The following DOCK10 variants were observed in gnomAD, a reference collection of about 807,000 sequenced individuals.
DOCK10 encodes the protein dedicator of cytokinesis protein 10.
In DOCK10, 145 loss-of-function variants were observed where a neutral mutation model predicts 280.1. The ratio of observed to expected loss-of-function variants is 0.52; its 90% CI spans 0.45 to 0.59. The LOEUF (loss-of-function observed/expected upper bound fraction) is 0.59. DOCK10 is among the 20% of genes least tolerant of loss of function. The pLI is 0.00. For missense variants in DOCK10, 2,368 were observed against 2,651.7 expected, an observed-to-expected ratio of 0.89 and a Z score of 2.35; for synonymous variants, 915 against 942.2, an observed-to-expected ratio of 0.97 and a Z score of 0.53.
chr2:224,852,915 C>A lies in DOCK10; in HGVS notation c.2076+20G>T. ...ATACGGTGAAAAGAAAAGATGATAT[C>A]TCTGGAACTTATATCATACCTTGTT... On this transcript the variant is annotated intron_variant, in intron 17 of 55. Transcript: ENST00000258390. 1 of 1,547,878 alleles carries A rather than the reference C, an allele frequency of 6.5e-7. No homozygotes were observed. Among genetic ancestry groups the A allele is most frequent in the Non-Finnish European group, 8.8e-7 (1 of 1,139,380 alleles).
At chr2:224,948,511 T>C (rs1703553032) in intron 1 of DOCK10, among the ~76,000 whole-genome samples, 1 of 152,360 alleles carries the variant, frequency 6.6e-6, no homozygotes, top group South Asian at 2.1e-4. Context: ...AGGTATGTTA[T>C]AGTACATGCA....
At chr2:224,969,580 T>C (rs1223644906) in intron 1 of DOCK10, among the ~76,000 whole-genome samples, 2 of 152,166 alleles carry the variant, frequency 1.3e-5, no homozygotes, top group South Asian at 4.1e-4. Context: ...TGCCAGCCCC[T>C]GAAGATGTGA....
intron 42 of DOCK10, 43 bp downstream of exon 42, chr2:224,797,789 C>T: frequency 6.3e-7 from 1 of 1,596,318 alleles, no homozygotes; most frequent in South Asian, 1.1e-5. Context: ...TATGGGTTTA[C>T]TGTCATCCTA....
At chr2:224,982,157 C>T (rs1394222966) in intron 1 of DOCK10, 4 of 1,213,212 alleles carry the variant, frequency 3.3e-6, no homozygotes, top group Admixed American at 4.2e-5. Context: ...TGTAACCTCT[C>T]TATAATAACA....
At chr2:225,035,566 A>ATAT (rs1553634905) in intron 1 of DOCK10, among the ~76,000 whole-genome samples, 2 of 54,622 alleles carry the variant, frequency 3.7e-5, no homozygotes, top group African/African-American at 9.5e-5. Context: ...ATATATATAT[A>ATAT]TATATATATA....
intron 26 of DOCK10, among the ~76,000 whole-genome samples, chr2:224,832,057 A>C (rs1695275348): frequency 6.6e-6 from 1 of 152,196 alleles, no homozygotes; most frequent in Non-Finnish European, 1.5e-5. Flanking sequence ...CACTTATCTC[A>C]GCTACAAAAA....
intron 41 of DOCK10, among the ~76,000 whole-genome samples, chr2:224,799,026 T>C (rs952481596): frequency 6.6e-6 from 1 of 152,202 alleles, no homozygotes; most frequent in Admixed American, 6.5e-5. Flanking sequence ...ATAATTGACA[T>C]ACAATAAATT....
At chr2:224,843,037 C>G (rs1696074245) in intron 22 of DOCK10, among the ~76,000 whole-genome samples, 1 of 152,114 alleles carries the variant, frequency 6.6e-6, no homozygotes, top group Non-Finnish European at 1.5e-5. Flanking sequence ...GTATCCACCC[C>G]CTGCAATATG....
intron 13 of DOCK10, among the ~76,000 whole-genome samples, chr2:224,863,799 TC>T (rs1366247689): frequency 6.6e-6 from 1 of 152,174 alleles, no homozygotes; most frequent in Admixed American, 6.5e-5. Context: ...TTAAAGAAAA[TC>T]TAATAGAAAA....
At chr2:224,928,157 A>G (rs1178423165) in intron 2 of DOCK10, among the ~76,000 whole-genome samples, 1 of 152,232 alleles carries the variant, frequency 6.6e-6, no homozygotes, top group Non-Finnish European at 1.5e-5. Flanking sequence ...GAAGCAGGTA[A>G]CATCAGAGAT....
At chr2:224,997,132 TTC>T (rs1216625499) in intron 1 of DOCK10, among the ~76,000 whole-genome samples, 2 of 152,160 alleles carry the variant, frequency 1.3e-5, no homozygotes, top group Non-Finnish European at 2.9e-5. Flanking sequence ...ATTTCCATGT[TTC>T]TGTCTTCATA....
At chr2:224,819,137 G>T (rs1483635966) in intron 29 of DOCK10, among the ~76,000 whole-genome samples, 2 of 152,166 alleles carry the variant, frequency 1.3e-5, no homozygotes, top group Non-Finnish European at 2.9e-5. Context: ...AGGACTTTCA[G>T]TGCTGAAACC....
At chr2:224,976,757 T>A (rs1705465353) in intron 1 of DOCK10, among the ~76,000 whole-genome samples, 1 of 152,104 alleles carries the variant, frequency 6.6e-6, no homozygotes, top group Admixed American at 6.5e-5. Context: ...AAGCATTTTC[T>A]GTAAATGGTC....
chr2:224,886,599 C>A (rs896542063), intron 4 of DOCK10, 68 bp from the exon 5 acceptor site: 42 of 1,285,840 alleles, frequency 3.3e-5, no homozygotes, highest in Non-Finnish European at 4.4e-5. Flanking sequence ...AGTTGCTCCC[C>A]AGGTAACAAT....
chr2:224,835,812 C>A (rs1227066332), intron 25 of DOCK10, among the ~76,000 whole-genome samples: 1 of 152,220 alleles, frequency 6.6e-6, no homozygotes, highest in Non-Finnish European at 1.5e-5. Context: ...AAATTGTTAT[C>A]AGCCTAAAAT....
intron 11 of DOCK10, among the ~76,000 whole-genome samples, chr2:224,868,628 G>C (rs1180887560): frequency 6.6e-6 from 1 of 152,036 alleles, no homozygotes; most frequent in Non-Finnish European, 1.5e-5. Context: ...TTTATACGGG[G>C]GGGACAAGTC....
chr2:224,804,837 A>C lies in DOCK10; in HGVS notation c.4123T>G (p.Cys1375Gly). 1 of 1,510,984 alleles carries C rather than the reference A, an allele frequency of 6.6e-7. No individual in the cohort carries two copies. The highest frequency in any genetic ancestry group is 8.8e-7 in the Non-Finnish European group (1 of 1,130,368). 93.6% of individuals were successfully genotyped at this position (1,510,984 alleles called of 1,614,324 possible). A position where few individuals can be genotyped will look rare whatever the true frequency, so the allele number is the denominator to read the frequency against. The change falls in exon 38 of 56, where the codon TGT (cysteine) becomes GGT (glycine). Residue 1375 changes from cysteine (C) to glycine (G), a missense_variant. By Grantham distance (159) the Cys-to-Gly change is radical. Transcript: ENST00000258390. ...CCTAGGTATCTGAAATTTTGAAGACAAACGCTAGAAAGGAGAAAAAAACCA... is the reference window on the plus strand; with the variant it reads ...CCTAGGTATCTGAAATTTTGAAGACCAACGCTAGAAAGGAGAAAAAAACCA... ...VSDFFSILDVCLQNFRYLGKR... is the reference protein window; with the variant it reads ...VSDFFSILDVGLQNFRYLGKR...
In DOCK10 at chr2:225,042,302, T is replaced by C. The variant is rs1690459959; in HGVS notation, c.73A>G (p.Ser25Gly). ...RPGQAAELRH[S>G]AASAAAVAVS... Reference sequence around the variant, plus strand: ...GCCACCGCGGCGGCGGACGCGGCGCTGTGCCGGAGCTCGGCCGCCTGCCCA... The same window carrying C: ...GCCACCGCGGCGGCGGACGCGGCGCCGTGCCGGAGCTCGGCCGCCTGCCCA... The change falls in exon 1 of 56, where the codon AGC becomes GGC. Residue 25 changes from serine (S) to glycine (G), a missense_variant. By Grantham distance (56) the Ser-to-Gly change is moderately conservative (BLOSUM62 0). Around this residue, in one of 2 missense-constraint regions of DOCK10, gnomAD observed 1,209 missense variants for 1,250.9 expected, o/e 0.97. Transcript: ENST00000258390. The surrounding 1 kb of genome is among the most constrained non-coding windows in gnomAD (Gnocchi z 5.1). 1 of 1,352,934 alleles carries C rather than the reference T, an allele frequency of 7.4e-7. No homozygotes were observed. Among genetic ancestry groups the C allele is most frequent in the Non-Finnish European group, 9.5e-7 (1 of 1,049,002 alleles). 83.8% of individuals were successfully genotyped at this position (1,352,934 alleles called of 1,614,324 possible).
intron 28 of DOCK10, 96 bp from the exon 29 acceptor site, chr2:224,819,625 C>A: frequency 1.3e-6 from 1 of 784,522 alleles, no homozygotes; most frequent in South Asian, 2.2e-5. Flanking sequence ...TAAAATAACA[C>A]TAAACTAAAT....
Sources: gnomAD v4.1 joint callset for allele counts (sites outside exome capture counted in the v4.1 genomes callset) on GRCh38, gnomAD v4.1.1 for gene constraint, gnomAD v4.1.1 regional missense constraint, Gnocchi (gnomAD v3.1) non-coding constraint, MANE v1.5 for transcripts, NCBI Gene and HGNC (gene_info 2026-07-23, HGNC 2026-07-21) for gene names.